The following CACNA1I variants were observed in gnomAD, a reference collection of about 807,000 sequenced individuals.
The protein encoded by CACNA1I is voltage-dependent T-type calcium channel subunit alpha-1I.
CACNA1I carries 74 observed loss-of-function variants against 201.6 expected under a neutral mutation model. The observed-to-expected ratio is 0.37, with a 90% CI of 0.30 to 0.45. CACNA1I has a LOEUF of 0.45. Among genes scored for constraint, CACNA1I ranks in the 20% least tolerant of loss-of-function variants. The pLI, the probability that CACNA1I is intolerant of heterozygous loss-of-function variation, is 1.00. For synonymous variants in CACNA1I, 1,431 were observed against 1,345.2 expected (o/e 1.06, Z -1.40); for missense variants, 2,346 against 3,138.1 (o/e 0.75, Z 6.03).
rs143335994 is a variant in CACNA1I, at chr22:39,611,236, T to G, written c.483-8074T>G. On this transcript the variant is annotated intron_variant, in intron 3 of 36. Transcript: ENST00000402142. ...CCATGATGGTGTTACATCCTGACAA[T>G]CCCCAGAAATTAGTATTGTTAACAC... Among the ~76,000 whole-genome samples the G allele has an allele frequency of 2.0e-5, 3 of 152,164 alleles. No homozygotes were observed. The East Asian group carries it at 5.8e-4, about 29-fold the overall frequency.
intron 1 of CACNA1I, among the ~76,000 whole-genome samples, chr22:39,593,840 T>C (rs1932850146): frequency 6.6e-6 from 1 of 152,208 alleles, no homozygotes; most frequent in Admixed American, 6.5e-5. Context: ...GTTTCCTTAT[T>C]TGTAAATGGG....
chr22:39,663,547 G>A (rs573129852), intron 18 of CACNA1I, among the ~76,000 whole-genome samples, 171 bp from the exon 19 acceptor site: 9 of 152,316 alleles, frequency 5.9e-5, no homozygotes, highest in African/African-American at 9.6e-5. Flanking sequence ...AGGAGGCAGC[G>A]CCAGGTGGGC....
At chr22:39,671,080 C>A in intron 26 of CACNA1I, 126 bp downstream of exon 26, 3 of 848,974 alleles carry the variant, frequency 3.5e-6, no homozygotes, top group Admixed American at 2.6e-5. Flanking sequence ...CCCCTCCATG[C>A]TGGGCTCTAT....
chr22:39,679,587 C>A, intron 32 of CACNA1I, 135 bp from the exon 33 acceptor site: 1 of 1,072,856 alleles, frequency 9.3e-7, no homozygotes, highest in Non-Finnish European at 1.3e-6. Flanking sequence ...AAGGGGTGAC[C>A]CTGTGATGAG....
At chr22:39,596,497 TGGG>T (rs200408080) in intron 1 of CACNA1I, among the ~76,000 whole-genome samples, 1,381 of 9,474 alleles carry the variant, frequency 0.15, 276 homozygotes, top group East Asian at 0.74. Flanking sequence ...TGGAGAGAGA[TGGG>T]GGGCAGGGTG....
chr22:39,642,998 C>T, intron 7 of CACNA1I, 109 bp downstream of exon 7: 1 of 685,418 alleles, frequency 1.5e-6, no homozygotes, highest in East Asian at 2.7e-5. Context: ...AGAGCCAGGA[C>T]AGCCGGGATG....
At chr22:39,660,555 C>T (rs548726795) in intron 15 of CACNA1I, 118 bp downstream of exon 15, 1 of 624,238 alleles carries the variant, frequency 1.6e-6, no homozygotes, top group African/African-American at 1.9e-5. Context: ...TGCTACTTAT[C>T]TATGGTTTGT....
chr22:39,589,263 C>T (rs1485860884), intron 1 of CACNA1I, among the ~76,000 whole-genome samples: 1 of 152,158 alleles, frequency 6.6e-6, no homozygotes, highest in Non-Finnish European at 1.5e-5. Flanking sequence ...CACAGACGTG[C>T]CTGTTCTGGG....
At position 39,655,308 on chromosome 22, in the gene CACNA1I, A is replaced by G. The variant is rs562897543; in HGVS notation, c.1993-2844A>G. 2.6e-5 allele frequency among the ~76,000 whole-genome samples: 4 copies of G among 152,200 alleles called. No individual in the cohort carries two copies. The South Asian group carries it at 8.3e-4, about 32-fold the overall frequency. The stretch of plus-strand genomic sequence containing the variant: ...GCACACCCTTATCTACCCCTACAGA[A>G]ATGGCAGAGGCTGGGCAGCCTGGTG... On this transcript the variant is annotated intron_variant, in intron 10 of 36. Transcript: ENST00000402142.
rs559762588 is a variant in CACNA1I, at chr22:39,677,056, A to G, written c.4855-285A>G. On this transcript the variant is annotated intron_variant, in intron 29 of 36. Transcript: ENST00000402142. The surrounding 1 kb of genome is among the most constrained non-coding windows in gnomAD (Gnocchi z 4.8). ...GGGGATAAAAGATAGTTCGTGGATT[A>G]TTGTGAGGAGGAAGTGAGCTCATGA... Among the ~76,000 whole-genome samples, 7 of 152,314 alleles carry G rather than the reference A, an allele frequency of 4.6e-5. No individual in the cohort carries two copies. In the East Asian group the frequency reaches 1.3e-3, roughly 29 times the overall value.
chr22:39,663,629 G>T lies in CACNA1I; in HGVS notation c.3474-89G>T, dbSNP rs1313399092. Reference sequence around the variant, plus strand: ...GGGTTGCTTCCTCGAGGCCAGCGTGGTCTGCACTGCTGCCTGGGCCCTCTG... The same window carrying T: ...GGGTTGCTTCCTCGAGGCCAGCGTGTTCTGCACTGCTGCCTGGGCCCTCTG... On this transcript the variant is annotated intron_variant, in intron 18 of 36. Coordinates refer to ENST00000402142, the MANE Select transcript of CACNA1I (RefSeq NM_021096.4). The T allele has an allele frequency of 6.6e-6, 10 of 1,526,304 alleles. No homozygotes were observed. In the Admixed American group the frequency reaches 1.8e-4, roughly 28 times the overall value. The allele number at this position is 1,526,304 out of a possible 1,614,324, so 94.5% of individuals were successfully genotyped here.
At chr22:39,662,544 G>T (rs1048957400) in intron 17 of CACNA1I, 109 bp downstream of exon 17, 5 of 870,796 alleles carry the variant, frequency 5.7e-6, no homozygotes, top group Non-Finnish European at 8.4e-6. Flanking sequence ...GGGCGTGGCC[G>T]GGGCGTGGCC....
rs1322204714 is a variant in CACNA1I at position 39,684,604 on chromosome 22, G to A, written c.6027+106G>A. 3 of 1,236,214 alleles carry A rather than the reference G, an allele frequency of 2.4e-6. No homozygotes were observed. Among genetic ancestry groups the A allele is most frequent in the Non-Finnish European group, 3.5e-6 (3 of 866,602 alleles). 76.6% of individuals were successfully genotyped at this position (1,236,214 alleles called of 1,614,324 possible). On this transcript the variant is annotated intron_variant, in intron 36 of 36. Coordinates refer to ENST00000402142, the MANE Select transcript of CACNA1I (RefSeq NM_021096.4). The surrounding 1 kb of genome is among the most constrained non-coding windows in gnomAD (Gnocchi z 4.6). ...CTGGGAGGGGAAGGACCCAACCAAA[G>A]GCCGAGGGCACCACCGTGCAAGGGG...
intron 3 of CACNA1I, among the ~76,000 whole-genome samples, chr22:39,617,811 CCCT>C (rs1338135302): frequency 5.4e-5 from 7 of 130,546 alleles, no homozygotes; most frequent in African/African-American, 8.5e-5. Flanking sequence ...ACCCCCTCTT[CCCT>C]CCTCCTGCTC....
Position 39,666,670 on chromosome 22 carries a change from G to A in CACNA1I, c.4104+664G>A, listed in dbSNP as rs1006491027. On this transcript the variant is annotated intron_variant, in intron 23 of 36. Transcript: ENST00000402142. This position sits in a 1 kb window ranked among gnomAD's most constrained non-coding sequence, Gnocchi z 4.1. ...CCCAGGAGGCCAGGTATGTCCAGACGTAGGCGTGCCTTGCCCCAGGGCACA... is the reference window on the plus strand; with the variant it reads ...CCCAGGAGGCCAGGTATGTCCAGACATAGGCGTGCCTTGCCCCAGGGCACA... Among the ~76,000 whole-genome samples, 17 of 152,222 alleles carry A rather than the reference G, an allele frequency of 1.1e-4. No homozygotes were observed. Among genetic ancestry groups the A allele is most frequent in the Non-Finnish European group, 2.2e-4 (15 of 68,022 alleles).
chr22:39,630,491 C>G (rs1934029447), intron 4 of CACNA1I, among the ~76,000 whole-genome samples: 1 of 152,182 alleles, frequency 6.6e-6, no homozygotes, highest in African/African-American at 2.4e-5. Context: ...TGGCTCCATT[C>G]ACTCGCCCAC....
Position 39,649,155 on chromosome 22 carries a change from C to T in CACNA1I, c.1568-346C>T, listed in dbSNP as rs13057090. Among the ~76,000 whole-genome samples, 1 of 152,234 alleles carries T rather than the reference C, an allele frequency of 6.6e-6. No individual in the cohort carries two copies. The highest frequency in any genetic ancestry group is 2.1e-4 in the South Asian group (1 of 4,834). ...TAGTTCCCAAGCTGCACGACTGGGG[C>T]TCTGGGTCTGTTCCATGCTGACCCA... On this transcript the variant is annotated intron_variant, in intron 9 of 36. Coordinates refer to ENST00000402142, the MANE Select transcript of CACNA1I (RefSeq NM_021096.4). This position sits in a 1 kb window ranked among gnomAD's most constrained non-coding sequence, Gnocchi z 7.3.
intron 1 of CACNA1I, among the ~76,000 whole-genome samples, chr22:39,595,695 C>G (rs1027411660): frequency 2.6e-5 from 4 of 152,074 alleles, no homozygotes; most frequent in African/African-American, 9.7e-5. Context: ...CGGTCTCCCT[C>G]TTTCTCTCTC....
In CACNA1I at chr22:39,658,850, TTCTCCCTCTG is replaced by T. The variant is rs1934905939; in HGVS notation, c.2145-77_2145-68del. 14 of 1,209,588 alleles carry T rather than the reference TTCTCCCTCTG, an allele frequency of 1.2e-5. No homozygotes were observed. The East Asian group carries it at 3.6e-4, about 31-fold the overall frequency. 74.9% of individuals were successfully genotyped at this position (1,209,588 alleles called of 1,614,324 possible). A position where few individuals can be genotyped will look rare whatever the true frequency, so the allele number is the denominator to read the frequency against. On this transcript the variant is annotated intron_variant, in intron 11 of 36. Transcript: ENST00000402142. The stretch of plus-strand genomic sequence containing the variant: ...GGAAGCTCTGTCTCTCTGTTTTCCC[TTCTCCCTCTG>T]TCTTCCTCTCCCCCTGGCCTCCTAC...
Sources: gnomAD v4.1 joint callset for allele counts (sites outside exome capture counted in the v4.1 genomes callset) on GRCh38, gnomAD v4.1.1 for gene constraint, Gnocchi (gnomAD v3.1) non-coding constraint, MANE v1.5 for transcripts, NCBI Gene and HGNC (gene_info 2026-07-23, HGNC 2026-07-21) for gene names.